The following DSN1 variants were observed in gnomAD, a reference collection of about 807,000 sequenced individuals.
DSN1 encodes the protein kinetochore-associated protein DSN1 homolog.
A neutral mutation model predicts 45.7 loss-of-function variants in DSN1; 31 were observed. The ratio of observed to expected loss-of-function variants is 0.68; its 90% CI spans 0.51 to 0.92. DSN1 has a LOEUF of 0.92. DSN1 is among the 40% of genes least tolerant of loss of function. The probability of loss-of-function intolerance (pLI) is 0.00; values close to 1 mark genes in which losing one functional copy is unlikely to be tolerated. For missense variants in DSN1, 394 were observed against 414.2 expected, an observed-to-expected ratio of 0.95 and a Z score of 0.42; for synonymous variants, 134 against 142.3, an observed-to-expected ratio of 0.94 and a Z score of 0.41.
chr20:36,754,013 A>AG (rs1014661323), intron 10 of DSN1, among the ~76,000 whole-genome samples: 1 of 151,856 alleles, frequency 6.6e-6, no homozygotes, highest in African/African-American at 2.4e-5. Flanking sequence ...TCTCAAAAAA[A>AG]AAAACAAACA....
intron 6 of DSN1, among the ~76,000 whole-genome samples, chr20:36,760,946 G>A (rs1000363646): frequency 3.9e-5 from 6 of 152,110 alleles, no homozygotes; most frequent in East Asian, 3.8e-4. Flanking sequence ...TTCATTTCCT[G>A]TCTAGCAATG....
At chr20:36,755,986 G>GTTTGTTTGTTTT (rs1986655112) in intron 8 of DSN1, among the ~76,000 whole-genome samples, 157 bp from the exon 9 acceptor site, 3 of 151,768 alleles carry the variant, frequency 2.0e-5, no homozygotes, top group African/African-American at 7.3e-5. Flanking sequence ...TTGTTTGTTT[G>GTTTGTTTGTTTT]TTTTTGAGAT....
intron 6 of DSN1, among the ~76,000 whole-genome samples, chr20:36,762,260 C>A (rs920096291): frequency 6.6e-6 from 1 of 151,596 alleles, no homozygotes; most frequent in African/African-American, 2.4e-5. Context: ...GCGCCTGCCA[C>A]CACGCCTGGC....
Position 36,762,554 on chromosome 20 carries a change from C to G in DSN1, c.503-6G>C. 6.2e-7 allele frequency: 1 copy of G among 1,611,620 alleles called. No homozygotes were observed. The highest frequency in any genetic ancestry group is 8.5e-7 in the Non-Finnish European group (1 of 1,178,864). On this transcript the variant is annotated splice_region_variant and splice_polypyrimidine_tract_variant and intron_variant, in intron 5 of 10. Transcript: ENST00000373750. ...TTCTTCAGAAAGAGAAGATGCTAGA[C>G]AGCACAAATTTACGTGTCATAAAAT...
At chr20:36,764,614 C>A (rs978710111) in intron 5 of DSN1, among the ~76,000 whole-genome samples, 16 of 152,166 alleles carry the variant, frequency 1.1e-4, no homozygotes, top group African/African-American at 3.6e-4. Context: ...GAGCCACCAT[C>A]CTAAGTTTTA....
rs148669424 is a variant in DSN1 at position 36,756,449 on chromosome 20, G to T, written c.726-620C>A. The stretch of plus-strand genomic sequence containing the variant: ...GCCAAAGCTTACTATCCTAAAGTCA[G>T]TGTCTATAATTGTTTACCAAAACAT... On this transcript the variant is annotated intron_variant, in intron 8 of 10. Transcript: ENST00000373750. Among the ~76,000 whole-genome samples, 953 of 152,252 alleles carry T rather than the reference G, an allele frequency of 6.3e-3. 35 individuals are homozygous for T. The highest frequency in any genetic ancestry group is 0.055 in the Admixed American group (839 of 15,272).
chr20:36,769,346 C>T (rs746611385), intron 3 of DSN1, among the ~76,000 whole-genome samples: 33 of 152,172 alleles, frequency 2.2e-4, no homozygotes, highest in Admixed American at 3.3e-4. Context: ...ATACTTTCTG[C>T]CTATAACCAA....
intron 1 of DSN1, among the ~76,000 whole-genome samples, chr20:36,773,237 C>T (rs1043704943): frequency 1.3e-5 from 2 of 152,222 alleles, no homozygotes; most frequent in African/African-American, 4.8e-5. Context: ...CGTTATTCCA[C>T]TTAATCCCTT....
chr20:36,761,381 AAAGAG>A, intron 6 of DSN1, among the ~76,000 whole-genome samples: 1 of 152,310 alleles, frequency 6.6e-6, no homozygotes, highest in African/African-American at 2.4e-5. Flanking sequence ...ATGTATGACA[AAAGAG>A]ACCTTGCTTC....
At chr20:36,758,459 G>T in intron 7 of DSN1, 99 bp downstream of exon 7, 1 of 1,053,846 alleles carries the variant, frequency 9.5e-7, no homozygotes, top group South Asian at 1.6e-5. Context: ...CACTAATGCT[G>T]ACTCTCCAAA....
Position 36,755,845 on chromosome 20 carries a change from AAG to A in DSN1, c.726-18_726-17del. 6.2e-7 allele frequency: 1 copy of A among 1,602,008 alleles called. No individual in the cohort carries two copies. Among genetic ancestry groups the A allele is most frequent in the South Asian group, 1.1e-5 (1 of 89,434 alleles). The stretch of plus-strand genomic sequence containing the variant: ...AGTTGATCCTCTAAAAACAAAACAC[AAG>A]AGCTTTTGAGAGATTCTGTAATTAT... On this transcript the variant is annotated splice_polypyrimidine_tract_variant and intron_variant, in intron 8 of 10. Transcript: ENST00000373750.
intron 8 of DSN1, among the ~76,000 whole-genome samples, chr20:36,757,672 C>T (rs1986750446): frequency 6.6e-6 from 1 of 152,230 alleles, no homozygotes; most frequent in South Asian, 2.1e-4. Context: ...TTCCTCATCA[C>T]CCACTTTCAT....
chr20:36,767,941 A>G (rs1202457519), intron 4 of DSN1, 28 bp downstream of exon 4: 2 of 1,610,490 alleles, frequency 1.2e-6, no homozygotes, highest in African/African-American at 1.3e-5. Flanking sequence ...ACAAACACAA[A>G]AACATTTCCT....
At chr20:36,764,742 G>A (rs982201073) in intron 5 of DSN1, among the ~76,000 whole-genome samples, 11 of 152,206 alleles carry the variant, frequency 7.2e-5, no homozygotes, top group South Asian at 6.2e-4. Context: ...CCAACATGGC[G>A]AAACCCTGTC....
intron 5 of DSN1, among the ~76,000 whole-genome samples, chr20:36,765,575 C>T (rs141455408): frequency 0.014 from 2,173 of 151,792 alleles, 22 homozygotes; most frequent in Middle Eastern, 0.048. Flanking sequence ...CTTTGGAAGG[C>T]GGAGGCAGGC....
At position 36,752,832 on chromosome 20, in the gene DSN1, T is replaced by C. The variant is rs1203950485; in HGVS notation, c.1027A>G (p.Asn343Asp). Reference sequence around the variant, plus strand: ...CCAGATCCATGTATGGCAGGTGGGTTCTGTAGCTGAAGCTTCAACAGTTTT... The same window carrying C: ...CCAGATCCATGTATGGCAGGTGGGTCCTGTAGCTGAAGCTTCAACAGTTTT... ...ARKLLKLQLQ[N>D]PPAIHGSGSG... The change falls in exon 11 of 11, where the codon AAC becomes GAC. Residue 343 changes from asparagine (N) to aspartate (D), a missense_variant. Asn to Asp is a conservative substitution (Grantham distance 23, BLOSUM62 1). Coordinates refer to ENST00000373750, the MANE Select transcript of DSN1 (RefSeq NM_001145315.2). The C allele has an allele frequency of 6.2e-7, 1 of 1,614,078 alleles. No individual in the cohort carries two copies. The highest frequency in any genetic ancestry group is 1.3e-5 in the African/African-American group (1 of 74,938).
intron 6 of DSN1, among the ~76,000 whole-genome samples, chr20:36,761,189 A>C (rs1487679052): frequency 6.6e-6 from 1 of 152,142 alleles, no homozygotes; most frequent in Non-Finnish European, 1.5e-5. Flanking sequence ...TCATCTTTTC[A>C]TGGCTGGTTC....
intron 5 of DSN1, among the ~76,000 whole-genome samples, chr20:36,765,565 C>G (rs951472421): frequency 6.6e-6 from 1 of 151,576 alleles, no homozygotes; most frequent in Non-Finnish European, 1.5e-5. Flanking sequence ...AATCCTAGCA[C>G]TTTGGAAGGC....
chr20:36,769,950 G>C (rs1269565515), intron 3 of DSN1, among the ~76,000 whole-genome samples: 5 of 127,740 alleles, frequency 3.9e-5, no homozygotes, highest in African/African-American at 1.3e-4. Flanking sequence ...CAGAGAGAGA[G>C]AGACAGAGAG....
Sources: gnomAD v4.1 joint callset for allele counts (sites outside exome capture counted in the v4.1 genomes callset) on GRCh38, gnomAD v4.1.1 for gene constraint, MANE v1.5 for transcripts, NCBI Gene and HGNC (gene_info 2026-07-23, HGNC 2026-07-21) for gene names.